Variants in RASSF3 observed in about 807,000 individuals in gnomAD.
RASSF3 encodes Ras association domain family member 3, also known as ras association domain-containing protein 3.
RASSF3 carries 19 observed loss-of-function variants against 19.9 expected under a neutral mutation model. The observed-to-expected ratio is 0.96, with a 90% CI of 0.67 to 1.40. The LOEUF is 1.40. RASSF3 is among the 40% of genes most tolerant of loss of function. RASSF3 has a pLI of 0.00. For missense variants in RASSF3, 306 were observed against 289.8 expected (o/e 1.06, Z -0.41); for synonymous variants, 110 against 104.2 (o/e 1.06, Z -0.34).
intron 2 of RASSF3, among the ~76,000 whole-genome samples, chr12:64,597,517 C>T (rs1276544654): frequency 6.6e-6 from 1 of 151,144 alleles, no homozygotes; most frequent in East Asian, 2.0e-4. Context: ...AGTGCAGTGT[C>T]ACAATCTCAG....
At chr12:64,688,629 T>C (rs2136222121) in intron 3 of RASSF3, among the ~76,000 whole-genome samples, 176 bp downstream of exon 3, 1 of 152,220 alleles carries the variant, frequency 6.6e-6, no homozygotes, top group South Asian at 2.1e-4. Context: ...CTGTCCATAT[T>C]TTTGAGTTGG....
At chr12:64,689,436 T>C (rs1405976254) in intron 3 of RASSF3, among the ~76,000 whole-genome samples, 3 of 152,178 alleles carry the variant, frequency 2.0e-5, no homozygotes, top group Admixed American at 2.0e-4. Flanking sequence ...AATACAAAGA[T>C]GAACAGGCCA....
At chr12:64,671,452 C>T (rs1872700008) in intron 1 of RASSF3, among the ~76,000 whole-genome samples, 1 of 152,132 alleles carries the variant, frequency 6.6e-6, no homozygotes, top group Non-Finnish European at 1.5e-5. Flanking sequence ...TCTGACCAGC[C>T]TGTGTTCCTG....
chr12:64,529,482 T>C (rs1223389580), upstream of RASSF3, among the ~76,000 whole-genome samples: 1 of 152,154 alleles, frequency 6.6e-6, no homozygotes, highest in African/African-American at 2.4e-5. Context: ...CCTGGACTCT[T>C]AGGAAAGTAA....
At chr12:64,652,923 A>T (rs1484493891) in intron 1 of RASSF3, among the ~76,000 whole-genome samples, 1 of 152,164 alleles carries the variant, frequency 6.6e-6, no homozygotes, top group Non-Finnish European at 1.5e-5. Context: ...GGGGGCTATA[A>T]GTTCTGGATT....
rs1435123674 is a variant in RASSF3, at chr12:64,520,555, C to CACACATAT, written c.169+13227_169+13228insCACATATA. On this transcript the variant is annotated intron_variant, in intron 1 of 5. Transcript: ENST00000637125. Reference sequence around the variant, plus strand: ...ACACACACAGATACACACATACACACATATATATATATATATATATATATA... The same window carrying CACACATAT: ...ACACACACAGATACACACATACACACACACATATATATATATATATATATATATATATA... 7.1e-3 allele frequency among the ~76,000 whole-genome samples: 614 copies of CACACATAT among 86,034 alleles called. 2 individuals are homozygous for CACACATAT. The highest frequency in any genetic ancestry group is 0.013 in the South Asian group (32 of 2,408). The allele number at this position is 86,034 out of a possible 152,430, so 56.4% of individuals were successfully genotyped here. A position where few individuals can be genotyped will look rare whatever the true frequency, so the allele number is the denominator to read the frequency against.
intron 1 of RASSF3, among the ~76,000 whole-genome samples, chr12:64,634,947 T>TTTTTC (rs551686050): frequency 2.7e-5 from 4 of 147,246 alleles, no homozygotes; most frequent in African/African-American, 1.0e-4. Context: ...TAGTTTCTTC[T>TTTTTC]TTTTCTTTTC....
chr12:64,511,657 C>A (rs1005245322), intron 1 of RASSF3, among the ~76,000 whole-genome samples: 9 of 152,188 alleles, frequency 5.9e-5, no homozygotes, highest in Non-Finnish European at 1.2e-4. Flanking sequence ...GTAAGGACAT[C>A]ACTTTCACAG....
chr12:64,671,441 C>T (rs962260571), intron 1 of RASSF3, among the ~76,000 whole-genome samples: 1 of 152,180 alleles, frequency 6.6e-6, no homozygotes, highest in African/African-American at 2.4e-5. Flanking sequence ...AGCCTTCTGA[C>T]TCTGACCAGC....
downstream of RASSF3, chr12:64,541,712 A>T (rs1314223501): frequency 2.5e-6 from 1 of 398,460 alleles, no homozygotes; most frequent in East Asian, 3.6e-5. Flanking sequence ...TCAGGTAGGC[A>T]CTATTGGTGC....
At chr12:64,601,317 A>G (rs1056426812) in intron 2 of RASSF3, among the ~76,000 whole-genome samples, 1 of 152,202 alleles carries the variant, frequency 6.6e-6, no homozygotes, top group Admixed American at 6.6e-5. Flanking sequence ...TTTAAAAAAT[A>G]GAAACCATTC....
chr12:64,541,564 C>T (rs1390010282), intron 1 of RASSF3: 4 of 398,424 alleles, frequency 1.0e-5, no homozygotes, highest in East Asian at 7.1e-5. Context: ...GGGAACCTAA[C>T]GTGCTTTCTC....
At chr12:64,551,243 T>A (rs1869154923) in intron 2 of RASSF3, among the ~76,000 whole-genome samples, 1 of 152,234 alleles carries the variant, frequency 6.6e-6, no homozygotes, top group South Asian at 2.1e-4. Context: ...GTTAAGTCAC[T>A]TAATCTCATC....
intron 1 of RASSF3, chr12:64,533,669 C>T (rs1209839553): frequency 2.6e-5 from 4 of 152,204 alleles, no homozygotes; most frequent in African/African-American, 9.7e-5. Flanking sequence ...ACAGATGTAA[C>T]ATTAACTCCA....
downstream of RASSF3, among the ~76,000 whole-genome samples, chr12:64,543,442 G>GCCTGCC (rs1394328448): frequency 4.6e-5 from 2 of 43,268 alleles, no homozygotes; most frequent in Non-Finnish European, 8.3e-5. Context: ...CGCCCCCCCC[G>GCCTGCC]TGCCCGCCCG....
At chr12:64,510,969 G>A (rs1226598664) in intron 1 of RASSF3, among the ~76,000 whole-genome samples, 4 of 152,202 alleles carry the variant, frequency 2.6e-5, no homozygotes, top group African/African-American at 9.7e-5. Flanking sequence ...ACTGAGAGCT[G>A]TGTGACTTTG....
At chr12:64,687,063 C>T (rs11175515) in intron 2 of RASSF3, among the ~76,000 whole-genome samples, 19 of 151,584 alleles carry the variant, frequency 1.3e-4, no homozygotes, top group South Asian at 1.0e-3. Flanking sequence ...CTCGTAATCT[C>T]GGCTCACTGC....
At chr12:64,536,675 C>G (rs1022194160) in intron 1 of RASSF3, among the ~76,000 whole-genome samples, 5 of 152,156 alleles carry the variant, frequency 3.3e-5, no homozygotes, top group African/African-American at 1.2e-4. Context: ...ATATCCCATT[C>G]TATTTTGAAT....
rs57933471 is a variant in RASSF3 at position 64,659,113 on chromosome 12, A to AG, written c.112-25673dup. Among the ~76,000 whole-genome samples, 1,068 of 152,272 alleles carry AG rather than the reference A, an allele frequency of 7.0e-3. 15 individuals carry two copies. Among genetic ancestry groups the AG allele is most frequent in the African/African-American group, 0.025 (1,029 of 41,548 alleles). ...AAAGTCCAGTGGGTCAGTGACCAAGAGCCCAGAGACTCTAGTTTCAAACAT... is the reference window on the plus strand; with the variant it reads ...AAAGTCCAGTGGGTCAGTGACCAAGAGGCCCAGAGACTCTAGTTTCAAACAT... On this transcript the variant is annotated intron_variant, in intron 1 of 4. Transcript: ENST00000542104.
Sources: allele counts gnomAD v4.1 joint callset (sites outside exome capture counted in the v4.1 genomes callset), GRCh38; gene constraint gnomAD v4.1.1; transcripts MANE v1.5; gene names NCBI Gene and HGNC (gene_info 2026-07-23, HGNC 2026-07-21).